The following TTC28 variants were observed in gnomAD, a reference collection of about 807,000 sequenced individuals.
TTC28 encodes the protein tetratricopeptide repeat domain 28, also known as tetratricopeptide repeat protein 28.
Under a neutral mutation model 198.0 loss-of-function variants are expected in TTC28, and 61 were observed. The observed-to-expected ratio is 0.31, with a 90% CI of 0.25 to 0.38. The LOEUF is 0.38. Ranked by LOEUF, TTC28 falls within the 10% of genes least tolerant of loss-of-function variation. The pLI, the probability that TTC28 is intolerant of heterozygous loss-of-function variation, is 1.00. For missense variants in TTC28, 2,678 were observed against 3,164.0 expected (o/e 0.85, Z 3.69); for synonymous variants, 1,171 against 1,297.8 (o/e 0.90, Z 2.10).
chr22:28,060,090 T>TA (rs1345863353), intron 12 of TTC28, among the ~76,000 whole-genome samples: 3 of 151,898 alleles, frequency 2.0e-5, no homozygotes, highest in South Asian at 4.2e-4. Context: ...CTTTTTTTTT[T>TA]AAAAAGATCC....
chr22:28,620,695 G>A (rs2050980619), intron 2 of TTC28, among the ~76,000 whole-genome samples: 1 of 152,204 alleles, frequency 6.6e-6, no homozygotes, highest in African/African-American at 2.4e-5. Flanking sequence ...CAAAGGTCAT[G>A]GCAACAGTTC....
intron 2 of TTC28, among the ~76,000 whole-genome samples, chr22:28,557,427 T>C (rs1054768300): frequency 6.6e-6 from 1 of 152,240 alleles, no homozygotes; most frequent in African/African-American, 2.4e-5. Flanking sequence ...TCTCTGAAGC[T>C]AGGTTTAAGC....
intron 6 of TTC28, among the ~76,000 whole-genome samples, chr22:28,130,620 T>C (rs779159720): frequency 6.6e-5 from 10 of 152,174 alleles, no homozygotes; most frequent in Middle Eastern, 3.2e-3. Context: ...AGAATGCAGA[T>C]GCAGAAAGAT....
chr22:28,627,749 C>T (rs1418259947), intron 2 of TTC28, among the ~76,000 whole-genome samples: 1 of 151,182 alleles, frequency 6.6e-6, no homozygotes, highest in African/African-American at 2.4e-5. Context: ...CAATTTTTCT[C>T]AACAATTTTT....
intron 2 of TTC28, among the ~76,000 whole-genome samples, chr22:28,539,739 A>G (rs1488127528): frequency 6.7e-6 from 1 of 150,258 alleles, no homozygotes; most frequent in Non-Finnish European, 1.5e-5. Flanking sequence ...CCAGGGATAG[A>G]GTATCAAGAA....
At chr22:28,366,447 T>A (rs1335798606) in intron 2 of TTC28, among the ~76,000 whole-genome samples, 1 of 152,172 alleles carries the variant, frequency 6.6e-6, no homozygotes, top group Non-Finnish European at 1.5e-5. Flanking sequence ...TGTCCCTACT[T>A]TCTTAGATCA....
chr22:28,568,244 C>A (rs1373497721), intron 2 of TTC28, among the ~76,000 whole-genome samples: 2 of 152,060 alleles, frequency 1.3e-5, no homozygotes, highest in Non-Finnish European at 2.9e-5. Flanking sequence ...TCTTTCATTG[C>A]AGGAAGACAT....
chr22:28,316,520 T>C (rs986127132), intron 2 of TTC28, among the ~76,000 whole-genome samples: 9 of 152,284 alleles, frequency 5.9e-5, no homozygotes, highest in Non-Finnish European at 1.2e-4. Context: ...TCTATTTGTA[T>C]TGGTTCAATT....
intron 6 of TTC28, among the ~76,000 whole-genome samples, chr22:28,138,121 G>A (rs997377721): frequency 6.6e-6 from 1 of 152,088 alleles, no homozygotes; most frequent in Non-Finnish European, 1.5e-5. Flanking sequence ...AGGAATTTGT[G>A]GACGTATTTT....
At chr22:28,148,612 C>CAAAA (rs35433132) in intron 6 of TTC28, among the ~76,000 whole-genome samples, 3 of 74,994 alleles carry the variant, frequency 4.0e-5, no homozygotes, top group African/African-American at 1.4e-4. Context: ...GACTCTGTCT[C>CAAAA]AAAAAAAAAA....
chr22:28,272,422 A>G (rs1252654565), intron 5 of TTC28, among the ~76,000 whole-genome samples: 1 of 152,204 alleles, frequency 6.6e-6, no homozygotes, highest in Non-Finnish European at 1.5e-5. Context: ...AATAGTCATT[A>G]ATTAGCTGTA....
chr22:28,180,529 C>T (rs899958328), intron 5 of TTC28, among the ~76,000 whole-genome samples: 2 of 152,086 alleles, frequency 1.3e-5, no homozygotes, highest in African/African-American at 4.8e-5. Context: ...TGACCAGATG[C>T]AGAGCCTCCC....
chr22:28,629,781 G>C lies in TTC28; in HGVS notation c.152C>G (p.Pro51Arg), dbSNP rs772117299. Reference protein sequence around the residue: ...DTIGQRSPDGPVLSKAEFVEK... With the variant: ...DTIGQRSPDGRVLSKAEFVEK... The stretch of plus-strand genomic sequence containing the variant: ...AACAAATTCAGCTTTGCTCAGTACC[G>C]GTCCATCAGGACTTCTCTGGCCAAT... Residue 51 changes from proline to arginine, a missense_variant, in exon 2 of 23, where the codon CCG becomes CGG. By Grantham distance (103) the Pro-to-Arg change is moderately radical (BLOSUM62 -2). Around this residue, in one of 8 missense-constraint regions of TTC28, gnomAD observed 176 missense variants for 197.9 expected, o/e 0.89. Transcript: ENST00000397906. The C allele has an allele frequency of 1.3e-6, 2 of 1,551,488 alleles. No individual in the cohort carries two copies. Among genetic ancestry groups the C allele is most frequent in the East Asian group, 2.4e-5 (1 of 40,916 alleles).
intron 5 of TTC28, among the ~76,000 whole-genome samples, chr22:28,194,877 T>C (rs949030379): frequency 8.9e-5 from 7 of 78,408 alleles, no homozygotes; most frequent in East Asian, 3.1e-4. Context: ...GTTGGTACCA[T>C]GCCTTCTGAA....
At chr22:28,353,236 A>G (rs967713160) in intron 2 of TTC28, among the ~76,000 whole-genome samples, 4 of 152,220 alleles carry the variant, frequency 2.6e-5, no homozygotes, top group Non-Finnish European at 5.9e-5. Context: ...TTGCAAGCCA[A>G]TGAGGCCTTA....
At chr22:28,492,238 G>A (rs551137291) in intron 2 of TTC28, among the ~76,000 whole-genome samples, 115 of 152,104 alleles carry the variant, frequency 7.6e-4, no homozygotes, top group African/African-American at 2.6e-3. Context: ...TTGTGCACAT[G>A]TACCCTAAAA....
At chr22:28,243,197 AAAAAAAAAAAAAAAAAC>A (rs2147256969) in intron 5 of TTC28, among the ~76,000 whole-genome samples, 1 of 101,962 alleles carries the variant, frequency 9.8e-6, no homozygotes, top group African/African-American at 3.2e-5. Flanking sequence ...AAAAAAAAAA[AAAAAAAAAAAAAAAAAC>A]TAGCCAGCCA....
intron 12 of TTC28, among the ~76,000 whole-genome samples, chr22:28,089,810 T>A (rs1941755694): frequency 6.6e-6 from 1 of 151,404 alleles, no homozygotes; most frequent in Non-Finnish European, 1.5e-5. Flanking sequence ...TCCTGTCCTT[T>A]GTAGGGACAT....
At chr22:28,566,408 A>C (rs947973749) in intron 2 of TTC28, among the ~76,000 whole-genome samples, 5 of 152,206 alleles carry the variant, frequency 3.3e-5, no homozygotes, top group Non-Finnish European at 5.9e-5. Context: ...TTCCCTAATG[A>C]GAAAGACGTT....
Sources: allele counts gnomAD v4.1 joint callset (sites outside exome capture counted in the v4.1 genomes callset), GRCh38; gene constraint gnomAD v4.1.1; regional missense constraint gnomAD v4.1.1; transcripts MANE v1.5; gene names NCBI Gene and HGNC (gene_info 2026-07-23, HGNC 2026-07-21).